ANO4: variants seen among roughly 807,000 people sequenced by gnomAD.
The protein encoded by ANO4 is anoctamin-4.
In ANO4, 69 loss-of-function variants were observed where a neutral mutation model predicts 141.9. That is an observed-to-expected ratio of 0.49 (90% CI 0.40 to 0.59). The LOEUF (loss-of-function observed/expected upper bound fraction) is 0.59, where lower values mean the gene tolerates loss of function less well. Among genes scored for constraint, ANO4 ranks in the 20% least tolerant of loss-of-function variants. The pLI is 0.00. For synonymous variants in ANO4, 350 were observed against 394.3 expected (o/e 0.89, Z 1.33); for missense variants, 894 against 1,162.2 (o/e 0.77, Z 3.36).
intron 5 of ANO4, among the ~76,000 whole-genome samples, chr12:100,957,225 C>T (rs1413720696): frequency 6.6e-6 from 1 of 152,180 alleles, no homozygotes; most frequent in African/African-American, 2.4e-5. Flanking sequence ...CACATCATGG[C>T]AGAAGGTCAA....
At chr12:101,116,380 C>T (rs2050851399) in intron 24 of ANO4, among the ~76,000 whole-genome samples, 1 of 152,194 alleles carries the variant, frequency 6.6e-6, no homozygotes, top group African/African-American at 2.4e-5. Flanking sequence ...GGCTTACATA[C>T]AATTTATGCC....
intron 3 of ANO4, among the ~76,000 whole-genome samples, chr12:100,755,864 A>G (rs1281278005): frequency 6.6e-6 from 1 of 151,936 alleles, no homozygotes; most frequent in Non-Finnish European, 1.5e-5. Context: ...ACATTTAACC[A>G]CTTTCTCTGT....
intron 5 of ANO4, among the ~76,000 whole-genome samples, chr12:100,943,367 T>A (rs554409669): frequency 1.3e-5 from 2 of 152,330 alleles, no homozygotes; most frequent in South Asian, 4.1e-4. Flanking sequence ...AGGGGATAGA[T>A]CTTTGAAGTC....
chr12:101,068,244 C>T (rs565936556), intron 14 of ANO4: 86 of 1,415,908 alleles, frequency 6.1e-5, no homozygotes, highest in Middle Eastern at 1.9e-4. Context: ...TAGAAAACAT[C>T]GCTTCTGGGA....
intron 9 of ANO4, among the ~76,000 whole-genome samples, chr12:101,033,482 A>AATAAT (rs1566153246): frequency 5.2e-4 from 79 of 152,118 alleles, no homozygotes; most frequent in African/African-American, 1.9e-3. Context: ...ATAATAATAA[A>AATAAT]AATTAACTCA....
At chr12:100,758,272 T>G (rs1426555029) in intron 3 of ANO4, among the ~76,000 whole-genome samples, 2 of 152,238 alleles carry the variant, frequency 1.3e-5, no homozygotes, top group Non-Finnish European at 2.9e-5. Context: ...GAGTTGTTAG[T>G]GCAGATGGTG....
chr12:100,885,943 C>A (rs1334252563), intron 1 of ANO4, among the ~76,000 whole-genome samples: 1 of 152,176 alleles, frequency 6.6e-6, no homozygotes, highest in African/African-American at 2.4e-5. Flanking sequence ...CAAAGCTGAA[C>A]TTAACATCTT....
At chr12:100,736,968 C>T (rs923303952) in intron 2 of ANO4, among the ~76,000 whole-genome samples, 20 of 152,056 alleles carry the variant, frequency 1.3e-4, no homozygotes, top group African/African-American at 4.8e-4. Flanking sequence ...GAATAAATTT[C>T]TGTTGTTTTA....
intron 2 of ANO4, among the ~76,000 whole-genome samples, chr12:100,921,387 G>C (rs1045991867): frequency 6.6e-6 from 1 of 152,038 alleles, no homozygotes; most frequent in Admixed American, 6.6e-5. Context: ...GATTTCTACA[G>C]AATTTCTACA....
intron 3 of ANO4, among the ~76,000 whole-genome samples, chr12:100,933,714 T>C (rs535412831): frequency 3.3e-5 from 5 of 152,362 alleles, no homozygotes; most frequent in Admixed American, 6.5e-5. Flanking sequence ...ATGGTTGAAC[T>C]AATTTACACT....
chr12:101,082,960 G>GAA (rs2049345296), intron 15 of ANO4, among the ~76,000 whole-genome samples: 1 of 152,122 alleles, frequency 6.6e-6, no homozygotes. Flanking sequence ...CTCATAATTG[G>GAA]TTTTTAGTCA....
In ANO4 at chr12:101,097,663, C is replaced by G; in HGVS notation, c.1863C>G (p.His621Gln). Residue 621 changes from histidine to glutamine, a missense_variant, in exon 20 of 28, where the codon CAC (histidine) becomes CAG (glutamine). Physicochemically the swap from His to Gln is conservative, Grantham distance 24 (BLOSUM62 0). Coordinates refer to ENST00000392977, the MANE Select transcript of ANO4 (RefSeq NM_001286615.2). Reference sequence around the variant, plus strand: ...CTGTGTGTTGAAGATTTACAGGACACCCAGGTGCCTACTTGAGGCTGATAA... The same window carrying G: ...CTGTGTGTTGAAGATTTACAGGACAGCCAGGTGCCTACTTGAGGCTGATAA... ...IAFFLGRFTG[H>Q]PGAYLRLINR... The G allele has an allele frequency of 6.2e-7, 1 of 1,613,758 alleles. No individual in the cohort carries two copies. The highest frequency in any genetic ancestry group is 8.5e-7 in the Non-Finnish European group (1 of 1,179,800).
chr12:101,046,606 A>G (rs1261283945), intron 13 of ANO4, among the ~76,000 whole-genome samples: 1 of 152,152 alleles, frequency 6.6e-6, no homozygotes, highest in Non-Finnish European at 1.5e-5. Context: ...GGAATCTACT[A>G]CCTTGCTTCT....
intron 11 of ANO4, among the ~76,000 whole-genome samples, chr12:101,042,015 T>C (rs1227206989): frequency 6.6e-6 from 1 of 152,192 alleles, no homozygotes; most frequent in East Asian, 1.9e-4. Flanking sequence ...ACTTGTTACC[T>C]GGACTATGAC....
chr12:100,790,516 A>G (rs1042716816), upstream of ANO4, among the ~76,000 whole-genome samples: 3 of 152,176 alleles, frequency 2.0e-5, no homozygotes, highest in Admixed American at 1.3e-4. Context: ...CTCCAGTTAG[A>G]TTTTAAATGC....
chr12:100,973,232 C>G (rs992424837), intron 6 of ANO4, among the ~76,000 whole-genome samples: 5 of 152,164 alleles, frequency 3.3e-5, no homozygotes, highest in African/African-American at 4.8e-5. Flanking sequence ...ATTATTGTGT[C>G]CACAGTTTCA....
At chr12:100,996,545 C>G (rs1031134853) in intron 8 of ANO4, among the ~76,000 whole-genome samples, 1 of 151,998 alleles carries the variant, frequency 6.6e-6, no homozygotes, top group East Asian at 1.9e-4. Context: ...ATTAGCTGGG[C>G]GTGGTGATGG....
chr12:100,947,152 G>A (rs2042760251), intron 5 of ANO4, among the ~76,000 whole-genome samples: 1 of 152,212 alleles, frequency 6.6e-6, no homozygotes, highest in African/African-American at 2.4e-5. Context: ...GATAACTGGA[G>A]TATGAAGTTT....
At chr12:101,026,661 CT>C (rs2046748490) in intron 9 of ANO4, among the ~76,000 whole-genome samples, 1 of 152,078 alleles carries the variant, frequency 6.6e-6, no homozygotes, top group African/African-American at 2.4e-5. Context: ...AAAGAATTGA[CT>C]TTTCAACATA....
Sources: gnomAD v4.1 joint callset for allele counts (sites outside exome capture counted in the v4.1 genomes callset) on GRCh38, gnomAD v4.1.1 for gene constraint, MANE v1.5 for transcripts, NCBI Gene and HGNC (gene_info 2026-07-23, HGNC 2026-07-21) for gene names.